Variants in PTPRD observed in about 807,000 individuals in gnomAD.
The protein encoded by PTPRD is receptor-type tyrosine-protein phosphatase delta.
In PTPRD, 34 loss-of-function variants were observed where a neutral mutation model predicts 214.5. The ratio of observed to expected loss-of-function variants is 0.16; its 90% confidence interval spans 0.12 to 0.21. The LOEUF (loss-of-function observed/expected upper bound fraction) is 0.21. PTPRD is among the 10% of genes least tolerant of loss of function. The pLI is 1.00. For synonymous variants in PTPRD, 1,128 were observed against 845.7 expected, an observed-to-expected ratio of 1.33 and a Z score of -5.79; for missense variants, 2,545 against 2,398.7, an observed-to-expected ratio of 1.06 and a Z score of -1.27.
At position 9,811,266 on chromosome 9, in the gene PTPRD, G is replaced by A. The variant is rs566383493; in HGVS notation, c.-367-44415C>T. 6.6e-5 allele frequency among the ~76,000 whole-genome samples: 10 copies of A among 152,264 alleles called. No homozygotes were observed. In the East Asian group the frequency reaches 1.5e-3, roughly 24 times the overall value. On this transcript the variant is annotated intron_variant, in intron 5 of 45. Coordinates refer to ENST00000381196, the MANE Select transcript of PTPRD (RefSeq NM_002839.4). ...TCTAACCTTCATGGATGGCTTTGAA[G>A]GGTTCAGGAACGCAGTGAAAGAAGA...
At position 9,478,548 on chromosome 9, in the gene PTPRD, G is replaced by A. The variant is rs540432193; in HGVS notation, c.-236-81066C>T. ...GGTTATGTAAATTGTCCAAGGTCACGCAGTAAGTAAACAGATCTTGCCACA... is the reference window on the plus strand; with the variant it reads ...GGTTATGTAAATTGTCCAAGGTCACACAGTAAGTAAACAGATCTTGCCACA... On this transcript the variant is annotated intron_variant, in intron 8 of 45. Transcript: ENST00000381196. Among the ~76,000 whole-genome samples the A allele has an allele frequency of 7.9e-5, 12 of 152,210 alleles. No individual in the cohort carries two copies. In the East Asian group the frequency reaches 1.5e-3, roughly 20 times the overall value.
intron 27 of PTPRD, 164 bp from the exon 28 acceptor site, chr9:8,486,513 C>T (rs2097016513): frequency 8.1e-6 from 6 of 743,272 alleles, no homozygotes; most frequent in Middle Eastern, 4.5e-4. Context: ...TGGAAATATG[C>T]TCCTTGTCTT....
intron 32 of PTPRD, among the ~76,000 whole-genome samples, chr9:8,464,718 T>TA (rs2096507075): frequency 6.6e-6 from 1 of 151,208 alleles, no homozygotes; most frequent in Non-Finnish European, 1.5e-5. Flanking sequence ...CTCTCCCCTT[T>TA]TTTTTTTTAA....
intron 3 of PTPRD, among the ~76,000 whole-genome samples, chr9:10,225,912 G>T (rs968466291): frequency 1.3e-5 from 2 of 152,060 alleles, no homozygotes; most frequent in Admixed American, 1.3e-4. Context: ...AATGGGGCTT[G>T]AGAAGAATAA....
At chr9:8,338,482 C>A (rs1025425158) in intron 43 of PTPRD, among the ~76,000 whole-genome samples, 1 of 152,064 alleles carries the variant, frequency 6.6e-6, no homozygotes, top group South Asian at 2.1e-4. Context: ...ATTTGCTCTG[C>A]GGTTTTAAAA....
At chr9:8,695,377 G>A (rs1207226707) in intron 12 of PTPRD, among the ~76,000 whole-genome samples, 1 of 151,968 alleles carries the variant, frequency 6.6e-6, no homozygotes, top group Non-Finnish European at 1.5e-5. Context: ...TGCCACTTAG[G>A]AGCCAGCCCC....
At chr9:9,945,102 A>G (rs1165567328) in intron 4 of PTPRD, among the ~76,000 whole-genome samples, 1 of 152,162 alleles carries the variant, frequency 6.6e-6, no homozygotes, top group Non-Finnish European at 1.5e-5. Flanking sequence ...ATAACTGTAT[A>G]GTTTTAGATC....
At chr9:9,493,732 G>A (rs2096031702) in intron 8 of PTPRD, among the ~76,000 whole-genome samples, 1 of 140,884 alleles carries the variant, frequency 7.1e-6, no homozygotes, top group Non-Finnish European at 1.5e-5. Flanking sequence ...AGCTTGCAGT[G>A]AGCCGAGATC....
In PTPRD at chr9:10,216,142, T is replaced by G. The variant is rs927288149; in HGVS notation, c.-545+124821A>C. Among the ~76,000 whole-genome samples the G allele has an allele frequency of 2.6e-5, 4 of 151,986 alleles. No individual in the cohort carries two copies. The East Asian group carries it at 7.7e-4, about 29-fold the overall frequency. On this transcript the variant is annotated intron_variant, in intron 3 of 45. Coordinates refer to ENST00000381196, the MANE Select transcript of PTPRD (RefSeq NM_002839.4). ...AAAATGTTGATATCTTTTTCATTAT[T>G]GATTTCTAAGTTGATTTGAATTATT... is the stretch of plus-strand genomic sequence containing the variant.
chr9:9,017,497 A>G (rs1046234999), intron 11 of PTPRD, among the ~76,000 whole-genome samples: 1 of 152,184 alleles, frequency 6.6e-6, no homozygotes, highest in Admixed American at 6.6e-5. Flanking sequence ...GAATTGTTTA[A>G]CATATGCTTT....
intron 11 of PTPRD, among the ~76,000 whole-genome samples, chr9:9,003,072 G>A (rs1214632913): frequency 6.6e-6 from 1 of 152,000 alleles, no homozygotes; most frequent in East Asian, 1.9e-4. Flanking sequence ...ACACACCACT[G>A]GATCATCGCC....
rs530365921 is a variant in PTPRD at position 10,314,184 on chromosome 9, C to T, written c.-545+26779G>A. ...TGTAGAAATATTAATATGGTAGATA[C>T]ATACAAAATGCATTTGTATGGGAAA... On this transcript the variant is annotated intron_variant, in intron 3 of 45. Transcript: ENST00000381196. Among the ~76,000 whole-genome samples, 298 of 151,936 alleles carry T rather than the reference C, an allele frequency of 2.0e-3. 2 individuals carry two copies. The highest frequency in any genetic ancestry group is 6.9e-3 in the African/African-American group (285 of 41,476).
Position 8,859,733 on chromosome 9 carries a change from A to G in PTPRD, c.-103-125787T>C, listed in dbSNP as rs2098057741. Among the ~76,000 whole-genome samples, 5 of 148,720 alleles carry G rather than the reference A, an allele frequency of 3.4e-5. No homozygotes were observed. In the South Asian group the frequency reaches 6.5e-4, roughly 19 times the overall value. On this transcript the variant is annotated intron_variant, in intron 11 of 45. Coordinates refer to ENST00000381196, the MANE Select transcript of PTPRD (RefSeq NM_002839.4). ...ATTGGTCAGTAATCCTCTGCCCCCT[A>G]TGTACTCCAAAAATAAGTCACATAT...
chr9:9,163,026 T>C (rs2099893492), intron 10 of PTPRD, among the ~76,000 whole-genome samples: 1 of 152,046 alleles, frequency 6.6e-6, no homozygotes, highest in Non-Finnish European at 1.5e-5. Context: ...CGCACCAGCT[T>C]CTCTTTTTTT....
chr9:10,079,856 G>A (rs571090913), intron 3 of PTPRD, among the ~76,000 whole-genome samples: 1 of 151,758 alleles, frequency 6.6e-6, no homozygotes, highest in Non-Finnish European at 1.5e-5. Context: ...AGTGCACATA[G>A]TTAGATGTTT....
chr9:10,382,473 T>A (rs2097843954), intron 2 of PTPRD, among the ~76,000 whole-genome samples: 1 of 151,902 alleles, frequency 6.6e-6, no homozygotes, highest in African/African-American at 2.4e-5. Context: ...AAACATTACC[T>A]CGTCTATGAA....
chr9:8,500,179 G>A (rs2097363404), intron 24 of PTPRD, among the ~76,000 whole-genome samples: 1 of 151,928 alleles, frequency 6.6e-6, no homozygotes, highest in African/African-American at 2.4e-5. Context: ...GTATAGCATT[G>A]AAATAATAAC....
At chr9:10,131,788 C>T (rs540846241) in intron 3 of PTPRD, among the ~76,000 whole-genome samples, 1 of 152,124 alleles carries the variant, frequency 6.6e-6, no homozygotes, top group African/African-American at 2.4e-5. Context: ...CTAAAGCTAC[C>T]TTTAGGATGC....
At chr9:8,554,952 G>C (rs542153195) in intron 14 of PTPRD, among the ~76,000 whole-genome samples, 1 of 150,482 alleles carries the variant, frequency 6.6e-6, no homozygotes, top group East Asian at 2.0e-4. Context: ...GAGTATATAT[G>C]ACTTAGCTAT....
Sources: allele counts gnomAD v4.1 joint callset (sites outside exome capture counted in the v4.1 genomes callset), GRCh38; gene constraint gnomAD v4.1.1; transcripts MANE v1.5; gene names NCBI Gene and HGNC (gene_info 2026-07-23, HGNC 2026-07-21).